NDUFAF2: variants seen among roughly 807,000 people sequenced by gnomAD.
NDUFAF2 encodes NADH dehydrogenase [ubiquinone] 1 alpha subcomplex assembly factor 2.
Under a neutral mutation model 22.8 loss-of-function variants are expected in NDUFAF2, and 13 were observed. That is an observed-to-expected ratio of 0.57 (90% CI 0.37 to 0.91). The LOEUF (loss-of-function observed/expected upper bound fraction) is 0.91, where lower values mean the gene tolerates loss of function less well. Among genes scored for constraint, NDUFAF2 ranks in the 40% least tolerant of loss-of-function variants. NDUFAF2 has a pLI of 0.01. For synonymous variants in NDUFAF2, 53 were observed against 64.2 expected (o/e 0.83, Z 0.84); for missense variants, 162 against 195.2 (o/e 0.83, Z 1.01).
At chr5:61,146,523 G>A (rs1054500865) in intron 3 of NDUFAF2, 1 of 152,130 alleles carries the variant, frequency 6.6e-6, no homozygotes, top group Non-Finnish European at 1.5e-5. Context: ...TTTTTAAGAT[G>A]TTTTCACTGG....
At chr5:61,040,278 A>ACG (rs1469467028) in intron 1 of NDUFAF2, among the ~76,000 whole-genome samples, 7 of 128,858 alleles carry the variant, frequency 5.4e-5, no homozygotes, top group South Asian at 2.3e-4. Flanking sequence ...ACACACACAC[A>ACG]CACACACACG....
intron 1 of NDUFAF2, among the ~76,000 whole-genome samples, chr5:61,014,185 G>C (rs1027847924): frequency 1.3e-5 from 2 of 152,188 alleles, no homozygotes; most frequent in Admixed American, 1.3e-4. Context: ...GAGAGGGGCT[G>C]GACGTTGAGC....
At chr5:61,020,573 G>GTGTA (rs1405341861) in intron 1 of NDUFAF2, among the ~76,000 whole-genome samples, 1 of 149,818 alleles carries the variant, frequency 6.7e-6, no homozygotes, top group Non-Finnish European at 1.5e-5. Context: ...GTGTGTGTGT[G>GTGTA]TACACATGCA....
intron 1 of NDUFAF2, among the ~76,000 whole-genome samples, chr5:60,967,327 T>G (rs1259828400): frequency 6.6e-6 from 1 of 152,048 alleles, no homozygotes; most frequent in East Asian, 1.9e-4. Flanking sequence ...CAGATGTCTT[T>G]TATTTATTTT....
intron 1 of NDUFAF2, among the ~76,000 whole-genome samples, chr5:61,017,370 C>T (rs158569): frequency 0.15 from 21,101 of 140,674 alleles, 1,819 homozygotes; most frequent in South Asian, 0.3. Context: ...ATTATTGATT[C>T]GGGTTTTCTT....
At chr5:61,020,580 T>C (rs1040821797) in intron 1 of NDUFAF2, among the ~76,000 whole-genome samples, 2 of 150,858 alleles carry the variant, frequency 1.3e-5, no homozygotes, top group Non-Finnish European at 2.9e-5. Flanking sequence ...TGTGTACACA[T>C]GCACGCATGT....
intron 1 of NDUFAF2, among the ~76,000 whole-genome samples, chr5:60,955,230 A>C (rs1365334462): frequency 6.6e-6 from 1 of 152,160 alleles, no homozygotes; most frequent in African/African-American, 2.4e-5. Context: ...ATTCATATTG[A>C]GTTGATTTTT....
At chr5:61,071,994 A>G (rs749591361) in intron 1 of NDUFAF2, among the ~76,000 whole-genome samples, 4 of 152,260 alleles carry the variant, frequency 2.6e-5, no homozygotes, top group Admixed American at 1.3e-4. Flanking sequence ...TTATTGAGAA[A>G]TATAAGCATT....
At chr5:60,994,387 T>G (rs1034738521) in intron 1 of NDUFAF2, among the ~76,000 whole-genome samples, 14 of 152,260 alleles carry the variant, frequency 9.2e-5, no homozygotes, top group African/African-American at 3.1e-4. Flanking sequence ...CAGCCACAAC[T>G]CTGTCACTTG....
At chr5:60,966,426 C>T (rs1199900939) in intron 1 of NDUFAF2, among the ~76,000 whole-genome samples, 1 of 151,978 alleles carries the variant, frequency 6.6e-6, no homozygotes, top group Non-Finnish European at 1.5e-5. Context: ...GGTGTCATAT[C>T]CAAGAAATTA....
At chr5:60,993,955 C>T (rs1472132395) in intron 1 of NDUFAF2, among the ~76,000 whole-genome samples, 1 of 152,240 alleles carries the variant, frequency 6.6e-6, no homozygotes, top group Non-Finnish European at 1.5e-5. Context: ...CCTGCCTGAC[C>T]TGAAGGTGGG....
chr5:61,015,753 G>A (rs7705450), intron 1 of NDUFAF2, among the ~76,000 whole-genome samples: 133 of 152,144 alleles, frequency 8.7e-4, no homozygotes, highest in African/African-American at 3.1e-3. Context: ...ATTTAAAAAT[G>A]ATTAAAAAAT....
intron 1 of NDUFAF2, among the ~76,000 whole-genome samples, chr5:61,040,079 G>T (rs1216331877): frequency 1.3e-5 from 2 of 151,976 alleles, no homozygotes; most frequent in African/African-American, 4.8e-5. Flanking sequence ...CTCATACATG[G>T]TCAATATAGT....
intron 3 of NDUFAF2, among the ~76,000 whole-genome samples, chr5:61,112,219 C>CCTT (rs1554083607): frequency 7.6e-6 from 1 of 132,144 alleles, no homozygotes; most frequent in African/African-American, 2.7e-5. Flanking sequence ...ATCCCCCCCC[C>CCTT]TTTTTTTTTT....
chr5:61,029,456 T>C (rs961027627), intron 1 of NDUFAF2, among the ~76,000 whole-genome samples: 1 of 152,180 alleles, frequency 6.6e-6, no homozygotes, highest in Non-Finnish European at 1.5e-5. Context: ...TATTTCCATT[T>C]GGGGTTTAAG....
At chr5:61,085,982 G>A (rs1018958713) in intron 2 of NDUFAF2, among the ~76,000 whole-genome samples, 1 of 151,950 alleles carries the variant, frequency 6.6e-6, no homozygotes, top group Non-Finnish European at 1.5e-5. Context: ...AGGTGTGGTG[G>A]TGTGCACCTG....
At chr5:60,978,176 A>C (rs900376025) in intron 1 of NDUFAF2, among the ~76,000 whole-genome samples, 1 of 152,130 alleles carries the variant, frequency 6.6e-6, no homozygotes, top group African/African-American at 2.4e-5. Flanking sequence ...GCTGGTGCCC[A>C]TTGAGGGAGC....
chr5:61,044,649 A>G (rs1751924093), intron 1 of NDUFAF2, among the ~76,000 whole-genome samples: 1 of 151,918 alleles, frequency 6.6e-6, no homozygotes, highest in Admixed American at 6.6e-5. Flanking sequence ...ATGTGGTTTT[A>G]TTTTGGGGTT....
rs527244901 is a variant in NDUFAF2 at position 60,984,906 on chromosome 5, C to T, written c.127+39524C>T. 3.9e-5 allele frequency among the ~76,000 whole-genome samples: 6 copies of T among 152,268 alleles called. No homozygotes were observed. The South Asian group carries it at 1.2e-3, about 32-fold the overall frequency. On this transcript the variant is annotated intron_variant, in intron 1 of 3. Transcript: ENST00000296597. ...TTTGTTATCAGGATGATGCTGGCCT[C>T]ATCAAATGAGTTAGGGAGGATTCCC...
Sources: gnomAD v4.1 joint callset for allele counts (sites outside exome capture counted in the v4.1 genomes callset) on GRCh38, gnomAD v4.1.1 for gene constraint, MANE v1.5 for transcripts, NCBI Gene and HGNC (gene_info 2026-07-23, HGNC 2026-07-21) for gene names.